The following VTI1A variants were observed in gnomAD, a reference collection of about 807,000 sequenced individuals.
VTI1A encodes the protein vesicle transport through interaction with t-SNAREs homolog 1A.
A neutral mutation model predicts 34.9 loss-of-function variants in VTI1A; 22 were observed. That is an observed-to-expected ratio of 0.63 (90% confidence interval 0.45 to 0.90). The LOEUF (loss-of-function observed/expected upper bound fraction) is 0.90, where lower values mean the gene tolerates loss of function less well. VTI1A is among the 40% of genes least tolerant of loss of function. The pLI is 0.00. For synonymous variants in VTI1A, 87 were observed against 97.3 expected, an observed-to-expected ratio of 0.89 and a Z score of 0.62; for missense variants, 268 against 275.6, an observed-to-expected ratio of 0.97 and a Z score of 0.20.
chr10:112,503,770 G>C lies in VTI1A; in HGVS notation c.265-23317G>C, dbSNP rs116281232. Among the ~76,000 whole-genome samples, 929 of 152,226 alleles carry C rather than the reference G, an allele frequency of 6.1e-3. 11 individuals are homozygous for C. Among genetic ancestry groups the C allele is most frequent in the African/African-American group, 0.021 (867 of 41,542 alleles). ...TATCTACGTGAAATAGTGCATTTCT[G>C]TTGTAATCTCTTGGGCATTAGTTAC... On this transcript the variant is annotated intron_variant, in intron 3 of 7. Transcript: ENST00000393077.
chr10:112,786,413 C>A (rs1200159153), intron 7 of VTI1A, among the ~76,000 whole-genome samples: 1 of 152,166 alleles, frequency 6.6e-6, no homozygotes, highest in Non-Finnish European at 1.5e-5. Flanking sequence ...CCTTTCCAAT[C>A]TGGGTGCCTT....
intron 5 of VTI1A, among the ~76,000 whole-genome samples, chr10:112,545,974 ACGTATGTGTGTGTATATACGTGTATACG>A (rs1441005179): frequency 0.011 from 1,450 of 134,990 alleles, 141 homozygotes; most frequent in African/African-American, 0.036. Context: ...ACGTGTATAC[ACGTATGTGTGTGTATATACGTGTATACG>A]CGTATGTGTG....
intron 7 of VTI1A, among the ~76,000 whole-genome samples, chr10:112,744,116 C>G (rs1027891817): frequency 6.6e-6 from 1 of 152,138 alleles, no homozygotes; most frequent in Non-Finnish European, 1.5e-5. Flanking sequence ...TTTCTACTTA[C>G]GGAAATGTCA....
chr10:112,661,620 C>T lies in VTI1A; in HGVS notation c.428-6598C>T, dbSNP rs911531196. ...ATTTTTGAAGGCTATTATTGCTGGA[C>T]GTGGAATAATAGAATGACCTTTTAT... On this transcript the variant is annotated intron_variant, in intron 5 of 7. Coordinates refer to ENST00000393077, the MANE Select transcript of VTI1A (RefSeq NM_145206.4). Among the ~76,000 whole-genome samples, 6 of 152,174 alleles carry T rather than the reference C, an allele frequency of 3.9e-5. No homozygotes were observed. The South Asian group carries it at 6.2e-4, about 16-fold the overall frequency.
chr10:112,605,973 A>G (rs1845060845), intron 5 of VTI1A, among the ~76,000 whole-genome samples: 2 of 152,092 alleles, frequency 1.3e-5, no homozygotes, highest in South Asian at 4.1e-4. Context: ...CAAACAAAAC[A>G]AGACCACATG....
At chr10:112,558,585 T>G (rs1851612185) in intron 5 of VTI1A, among the ~76,000 whole-genome samples, 2 of 152,168 alleles carry the variant, frequency 1.3e-5, no homozygotes, top group South Asian at 4.1e-4. Context: ...TGAACCAGTT[T>G]AGAGAAGCAG....
chr10:112,673,636 C>T (rs1177047710), intron 7 of VTI1A, among the ~76,000 whole-genome samples: 1 of 152,208 alleles, frequency 6.6e-6, no homozygotes, highest in African/African-American at 2.4e-5. Context: ...TTGACCTAGC[C>T]AGGACCATTC....
At chr10:112,533,197 A>G (rs1038193980) in intron 4 of VTI1A, among the ~76,000 whole-genome samples, 1 of 152,098 alleles carries the variant, frequency 6.6e-6, no homozygotes, top group Admixed American at 6.5e-5. Context: ...GAAGAGAGGA[A>G]CAGTAAACTT....
intron 5 of VTI1A, among the ~76,000 whole-genome samples, chr10:112,545,670 A>T (rs901387395): frequency 6.6e-5 from 10 of 152,244 alleles, no homozygotes; most frequent in African/African-American, 2.4e-4. Context: ...CTTGGGTCCC[A>T]TGTCGGATCT....
At chr10:112,447,024 G>GGGCT, upstream of VTI1A, 1 of 283,994 alleles carries the variant, frequency 3.5e-6, no homozygotes, top group Non-Finnish European at 7.0e-6. Context: ...TGGATCCGGA[G>GGGCT]CCGATTCCCA....
chr10:112,627,717 A>G (rs781063240), intron 5 of VTI1A, among the ~76,000 whole-genome samples: 2 of 152,204 alleles, frequency 1.3e-5, no homozygotes, highest in Non-Finnish European at 2.9e-5. Context: ...CGAAGCATCT[A>G]CTATGTAACA....
At chr10:112,592,915 G>A (rs907648464) in intron 5 of VTI1A, among the ~76,000 whole-genome samples, 2 of 152,226 alleles carry the variant, frequency 1.3e-5, no homozygotes, top group Non-Finnish European at 2.9e-5. Context: ...ATATGGTGCT[G>A]TGAAGACTAT....
In VTI1A at chr10:112,732,250, T is replaced by C. The variant is rs74831761; in HGVS notation, c.560+63252T>C. Among the ~76,000 whole-genome samples the C allele has an allele frequency of 2.5e-3, 377 of 152,338 alleles. 3 individuals carry two copies. The highest frequency in any genetic ancestry group is 8.7e-3 in the African/African-American group (360 of 41,578). The stretch of plus-strand genomic sequence containing the variant: ...GGAAGGCAGCTACATCTGGCCTTTT[T>C]TGAGAGCCTTTAAGCCTCTCTGCCT... On this transcript the variant is annotated intron_variant, in intron 7 of 7. Transcript: ENST00000393077.
chr10:112,815,504 C>T lies in VTI1A; in HGVS notation c.*121C>T, dbSNP rs897651427. On this transcript the variant is annotated 3_prime_UTR_variant, in exon 8 of 8. Coordinates refer to ENST00000393077, the MANE Select transcript of VTI1A (RefSeq NM_145206.4). ...CCAGGTGACCCTCTCTCTCCCTCACCGCCGTTGGGCTGAAGTGCAAAGAGT... is the reference window on the plus strand; with the variant it reads ...CCAGGTGACCCTCTCTCTCCCTCACTGCCGTTGGGCTGAAGTGCAAAGAGT... 12 of 809,092 alleles carry T rather than the reference C, an allele frequency of 1.5e-5. No homozygotes were observed. Among genetic ancestry groups the T allele is most frequent in the Admixed American group, 1.3e-4 (6 of 47,982 alleles). The allele number at this position is 809,092 out of a possible 1,614,324, so 50.1% of individuals were successfully genotyped here.
At chr10:112,450,809 ATTGT>A (rs1847209691) in intron 1 of VTI1A, 1 of 152,102 alleles carries the variant, frequency 6.6e-6, no homozygotes, top group African/African-American at 2.4e-5. Flanking sequence ...ATATTTGAAC[ATTGT>A]TTTTTTAATT....
At chr10:112,546,159 GTA>G (rs1564821608) in intron 5 of VTI1A, among the ~76,000 whole-genome samples, 1 of 150,200 alleles carries the variant, frequency 6.7e-6, no homozygotes, top group Non-Finnish European at 1.5e-5. Flanking sequence ...ATATATGTGT[GTA>G]TATATATACA....
chr10:112,751,555 G>A (rs1379420414), intron 7 of VTI1A, among the ~76,000 whole-genome samples: 2 of 151,450 alleles, frequency 1.3e-5, no homozygotes, highest in Admixed American at 6.6e-5. Flanking sequence ...CATCTCATGG[G>A]GATGCAGTTA....
At chr10:112,761,582 C>G (rs1324819923) in intron 7 of VTI1A, among the ~76,000 whole-genome samples, 3 of 152,138 alleles carry the variant, frequency 2.0e-5, no homozygotes, top group Non-Finnish European at 4.4e-5. Flanking sequence ...ATTTACACAG[C>G]CTGACGTTAT....
intron 4 of VTI1A, among the ~76,000 whole-genome samples, chr10:112,537,729 G>A (rs1850701388): frequency 6.6e-6 from 1 of 152,116 alleles, no homozygotes; most frequent in Admixed American, 6.6e-5. Context: ...TTAGTATTCT[G>A]TCTTAGTAGC....
Sources: gnomAD v4.1 joint callset for allele counts (sites outside exome capture counted in the v4.1 genomes callset) on GRCh38, gnomAD v4.1.1 for gene constraint, MANE v1.5 for transcripts, NCBI Gene and HGNC (gene_info 2026-07-23, HGNC 2026-07-21) for gene names.